The following VPS13B variants were observed in gnomAD, a reference collection of about 807,000 sequenced individuals.
VPS13B encodes the protein intermembrane lipid transfer protein VPS13B.
In VPS13B, 285 loss-of-function variants were observed where a neutral mutation model predicts 426.4. That is an observed-to-expected ratio of 0.67 (90% CI 0.61 to 0.74). VPS13B has a LOEUF of 0.74. Among genes scored for constraint, VPS13B ranks in the 30% least tolerant of loss-of-function variants. The probability of loss-of-function intolerance (pLI) is 0.00; values close to 1 mark genes in which losing one functional copy is unlikely to be tolerated. For synonymous variants in VPS13B, 1,676 were observed against 1,676.4 expected (o/e 1.00, Z 0.01); for missense variants, 4,537 against 4,782.6 (o/e 0.95, Z 1.51).
chr8:99,498,477 A>G (rs1260027057), intron 25 of VPS13B, among the ~76,000 whole-genome samples: 1 of 152,036 alleles, frequency 6.6e-6, no homozygotes, highest in Non-Finnish European at 1.5e-5. Flanking sequence ...ACATGTATAC[A>G]TATGTAACAA....
intron 42 of VPS13B, 144 bp downstream of exon 42, chr8:99,779,175 C>A: frequency 1.2e-6 from 1 of 862,542 alleles, no homozygotes; most frequent in Non-Finnish European, 1.9e-6. Context: ...ATACTTGAGG[C>A]CTTCTCTGTT....
intron 34 of VPS13B, among the ~76,000 whole-genome samples, chr8:99,643,571 G>A (rs1424848420): frequency 2.0e-5 from 3 of 152,082 alleles, no homozygotes; most frequent in African/African-American, 7.2e-5. Context: ...TTGCTGAGGA[G>A]TAACCTAGGG....
chr8:99,590,668 A>C (rs1826599441), intron 33 of VPS13B, among the ~76,000 whole-genome samples: 1 of 152,088 alleles, frequency 6.6e-6, no homozygotes, highest in Non-Finnish European at 1.5e-5. Context: ...CTTAATCCTG[A>C]GTTCTAATTT....
chr8:99,234,506 G>T, intron 17 of VPS13B: 1 of 523,398 alleles, frequency 1.9e-6, no homozygotes, highest in South Asian at 1.5e-5. Flanking sequence ...CGGTAGGGAA[G>T]GGGCTTCCGC....
chr8:99,425,395 G>A (rs1302953368), intron 21 of VPS13B, among the ~76,000 whole-genome samples: 2 of 152,198 alleles, frequency 1.3e-5, no homozygotes, highest in Non-Finnish European at 2.9e-5. Context: ...TCCCTGGGAT[G>A]CAAGGCTGGT....
intron 21 of VPS13B, among the ~76,000 whole-genome samples, chr8:99,413,468 G>C (rs1308066011): frequency 6.6e-6 from 1 of 151,772 alleles, no homozygotes; most frequent in African/African-American, 2.4e-5. Context: ...CTTGTCTTCT[G>C]CTGGCTTCTG....
chr8:99,656,089 G>A (rs1588593593), intron 34 of VPS13B, among the ~76,000 whole-genome samples: 1 of 152,194 alleles, frequency 6.6e-6, no homozygotes, highest in Non-Finnish European at 1.5e-5. Context: ...TATTCCTTAT[G>A]ACATAATATG....
chr8:99,103,096 G>A lies in VPS13B; in HGVS notation c.556G>A (p.Asp186Asn), dbSNP rs1274877104. ...AECYTVGELW[D>N]RAFMDISATD... is the part of the protein sequence containing the mutation. ...ATGTTATACAGTAGGTGAATTATGG[G>A]ATCGTGCATTCATGGATATTTCTGG... is the stretch of plus-strand genomic sequence containing the variant. The change falls in exon 5 of 62, where the codon GAT becomes AAT. Residue 186 changes from aspartate (D) to asparagine (N), a missense_variant. Asp to Asn is a conservative substitution (Grantham distance 23). Transcript: ENST00000357162. 6.2e-7 allele frequency: 1 copy of A among 1,613,990 alleles called. No individual in the cohort carries two copies. Among genetic ancestry groups the A allele is most frequent in the South Asian group, 1.1e-5 (1 of 91,068 alleles).
In VPS13B at chr8:99,821,306, AT is replaced by A. The variant is rs1057516538; in HGVS notation, c.9009del (p.Ile3003MetfsTer15). ...IPPNFQEAFQ[I>X]GIYWANTNTV... ...ATTATTTTTCCAGGAAGCTTTTCAA[AT>A]TGGAATATACTGGGCAAATACAAAC... On this transcript the variant is annotated frameshift_variant, in exon 50 of 62. Coordinates refer to ENST00000357162, the MANE Select transcript of VPS13B (RefSeq NM_152564.5). LOFTEE classifies it high-confidence loss of function. 1 of 1,613,636 alleles carries A rather than the reference AT, an allele frequency of 6.2e-7. No individual in the cohort carries two copies. Among genetic ancestry groups the A allele is most frequent in the Admixed American group, 1.7e-5 (1 of 59,980 alleles).
At chr8:99,312,510 G>T (rs903578760) in intron 19 of VPS13B, among the ~76,000 whole-genome samples, 18 of 152,178 alleles carry the variant, frequency 1.2e-4, no homozygotes, top group Admixed American at 3.9e-4. Context: ...ACTCTCTTCT[G>T]GCTTGTAGAA....
intron 20 of VPS13B, 58 bp downstream of exon 20, chr8:99,384,375 A>G (rs990156032): frequency 7.3e-5 from 97 of 1,323,308 alleles, no homozygotes; most frequent in Non-Finnish European, 1.0e-4. Context: ...TTCATTTAGT[A>G]GAATTATATA....
intron 16 of VPS13B, among the ~76,000 whole-genome samples, chr8:99,178,964 T>G (rs1812791804): frequency 6.6e-6 from 1 of 152,026 alleles, no homozygotes; most frequent in Non-Finnish European, 1.5e-5. Flanking sequence ...ATTAATAGCA[T>G]GTTGATTAAT....
At chr8:99,264,501 T>G (rs1041292732) in intron 17 of VPS13B, among the ~76,000 whole-genome samples, 1 of 152,170 alleles carries the variant, frequency 6.6e-6, no homozygotes, top group Non-Finnish European at 1.5e-5. Flanking sequence ...TGTATATAGA[T>G]TTTTAGGGTG....
At chr8:99,109,492 T>A (rs1468288679) in intron 5 of VPS13B, among the ~76,000 whole-genome samples, 4 of 151,994 alleles carry the variant, frequency 2.6e-5, no homozygotes, top group Non-Finnish European at 5.9e-5. Flanking sequence ...AAGCCATTCT[T>A]GTGCCTCAGT....
In VPS13B at chr8:99,816,679, C is replaced by T. The variant is rs539975562; in HGVS notation, c.8098-861C>T. ...GTTAGCGAGGTGGGGTGGTGCATTC[C>T]CTGTAGACCCAGCTACTCTAGAGGC... On this transcript the variant is annotated intron_variant, in intron 44 of 61. Coordinates refer to ENST00000357162, the MANE Select transcript of VPS13B (RefSeq NM_152564.5). 4.2e-4 allele frequency among the ~76,000 whole-genome samples: 64 copies of T among 151,884 alleles called. 1 individual carries two copies. Among genetic ancestry groups the T allele is most frequent in the Non-Finnish European group, 5.9e-4 (40 of 67,974 alleles).
At position 99,861,883 on chromosome 8, in the gene VPS13B, C is replaced by A; in HGVS notation, c.11152C>A (p.Leu3718Ile). 1 of 1,595,136 alleles carries A rather than the reference C, an allele frequency of 6.3e-7. No homozygotes were observed. The highest frequency in any genetic ancestry group is 8.5e-7 in the Non-Finnish European group (1 of 1,171,614). Residue 3718 changes from leucine to isoleucine, a missense_variant, in exon 58 of 62, where the codon CTC (leucine) becomes ATC (isoleucine). Leu to Ile is a conservative substitution (Grantham distance 5, BLOSUM62 2). Transcript: ENST00000357162. ...CCGGCAGGAGGAGTGGCGGCGGCAG[C>A]TCCCCGAGAGCCTGGGCGAGGGGCT... is the stretch of plus-strand genomic sequence containing the variant. ...YNRQEEWRRQ[L>I]PESLGEGLRQ...
In VPS13B at chr8:99,720,529, T is replaced by A. The variant is rs1833091932; in HGVS notation, c.6842T>A (p.Leu2281Gln). The A allele has an allele frequency of 6.2e-7, 1 of 1,613,924 alleles. No individual in the cohort carries two copies. Among genetic ancestry groups the A allele is most frequent in the African/African-American group, 1.3e-5 (1 of 74,934 alleles). Residue 2281 changes from leucine (L) to glutamine (Q), a missense_variant, in exon 38 of 62, where the codon CTA (leucine) becomes CAA (glutamine). By Grantham distance (113) the Leu-to-Gln change is moderately radical. Around this residue, in one of 2 missense-constraint regions of VPS13B, gnomAD observed 4,311 missense variants for 4,474.3 expected, o/e 0.96. Coordinates refer to ENST00000357162, the MANE Select transcript of VPS13B (RefSeq NM_152564.5). The stretch of plus-strand genomic sequence containing the variant: ...AGTTCAGATGACCTACGGACAGGTC[T>A]ATTTCAGTATGTACAGGATGCTGGT... ...EQSSDDLRTG[L>Q]FQYVQDAESL...
At chr8:99,251,983 T>A (rs1306071776) in intron 17 of VPS13B, among the ~76,000 whole-genome samples, 1 of 151,654 alleles carries the variant, frequency 6.6e-6, no homozygotes, top group Admixed American at 6.5e-5. Context: ...TAGAGTTTTT[T>A]CAGTTTTATT....
At chr8:99,275,401 A>T in intron 19 of VPS13B, 147 bp downstream of exon 19, 1 of 735,790 alleles carries the variant, frequency 1.4e-6, no homozygotes. Context: ...CAAAATTCAA[A>T]TGAAGAATTT....
Sources: gnomAD v4.1 joint callset for allele counts (sites outside exome capture counted in the v4.1 genomes callset) on GRCh38, gnomAD v4.1.1 for gene constraint, gnomAD v4.1.1 regional missense constraint, MANE v1.5 for transcripts, NCBI Gene and HGNC (gene_info 2026-07-23, HGNC 2026-07-21) for gene names.